Variants in ABCA8 observed in about 807,000 individuals in gnomAD.
The protein encoded by ABCA8 is ATP binding cassette subfamily A member 8.
In ABCA8, 177 loss-of-function variants were observed where a neutral mutation model predicts 192.3. That is an observed-to-expected ratio of 0.92 (90% CI 0.81 to 1.04). The LOEUF (loss-of-function observed/expected upper bound fraction) is 1.04, where lower values mean the gene tolerates loss of function less well. Ranked by LOEUF, ABCA8 falls within the 50% of genes least tolerant of loss-of-function variation. The pLI is 0.00. For synonymous variants in ABCA8, 642 were observed against 690.2 expected, an observed-to-expected ratio of 0.93 and a Z score of 1.09; for missense variants, 1,915 against 1,904.8, an observed-to-expected ratio of 1.01 and a Z score of -0.10.
chr17:68,908,231 A>AT (rs1265555394), intron 17 of ABCA8, among the ~76,000 whole-genome samples: 5 of 152,168 alleles, frequency 3.3e-5, no homozygotes, highest in African/African-American at 1.2e-4. Context: ...GGTCAGGACT[A>AT]TGCAAAATGG....
chr17:68,945,823 G>A (rs1223545355), intron 2 of ABCA8, among the ~76,000 whole-genome samples: 1 of 151,664 alleles, frequency 6.6e-6, no homozygotes, highest in South Asian at 2.1e-4. Flanking sequence ...GTGTGTGTGC[G>A]CATATGTATA....
intron 23 of ABCA8, among the ~76,000 whole-genome samples, chr17:68,892,844 A>G (rs928402397): frequency 6.6e-6 from 1 of 152,180 alleles, no homozygotes; most frequent in African/African-American, 2.4e-5. Flanking sequence ...TTGCTGGACC[A>G]TATGAAAATA....
At chr17:68,900,223 T>C (rs996592487) in intron 21 of ABCA8, among the ~76,000 whole-genome samples, 1 of 151,380 alleles carries the variant, frequency 6.6e-6, no homozygotes, top group African/African-American at 2.4e-5. Flanking sequence ...CCAAGAAAAA[T>C]AAAATAACAT....
At chr17:68,908,190 G>A (rs1488849401) in intron 17 of ABCA8, among the ~76,000 whole-genome samples, 1 of 152,182 alleles carries the variant, frequency 6.6e-6, no homozygotes, top group Non-Finnish European at 1.5e-5. Flanking sequence ...TGGTCACAGA[G>A]TGGAAAATAC....
intron 4 of ABCA8, among the ~76,000 whole-genome samples, chr17:68,938,341 G>C (rs1186867788): frequency 6.6e-6 from 1 of 152,020 alleles, no homozygotes; most frequent in Admixed American, 6.6e-5. Flanking sequence ...CTGGATTACT[G>C]GATACAGAAT....
chr17:68,923,204 TTA>T (rs1491113453), intron 11 of ABCA8, among the ~76,000 whole-genome samples: 128 of 98,224 alleles, frequency 1.3e-3, no homozygotes, highest in African/African-American at 4.4e-3. Context: ...ATTATTATTA[TTA>T]TTTTTTTTTT....
intron 17 of ABCA8, among the ~76,000 whole-genome samples, chr17:68,908,162 A>G (rs2067134753): frequency 1.3e-5 from 2 of 152,142 alleles, no homozygotes; most frequent in Non-Finnish European, 1.5e-5. Flanking sequence ...ATATTGATTG[A>G]AGCTCCTGAA....
In ABCA8 at chr17:68,883,890, TAAAG is replaced by T; in HGVS notation, c.3616-12_3616-9del. The T allele has an allele frequency of 6.8e-7, 1 of 1,468,492 alleles. No homozygotes were observed. Among genetic ancestry groups the T allele is most frequent in the Non-Finnish European group, 9.4e-7 (1 of 1,063,098 alleles). 91.0% of individuals were successfully genotyped at this position (1,468,492 alleles called of 1,614,324 possible). A position where few individuals can be genotyped will look rare whatever the true frequency, so the allele number is the denominator to read the frequency against. On this transcript the variant is annotated splice_polypyrimidine_tract_variant and intron_variant, in intron 28 of 39. Coordinates refer to ENST00000586539, the MANE Select transcript of ABCA8 (RefSeq NM_001288985.2). ...GATAAAATGAAGGAAAGGCTAGGAA[TAAAG>T]AGAGATGCACAATTAGAAACATAAA...
rs2067219975 is a variant in ABCA8 at position 68,911,183 on chromosome 17, C to T, written c.2139-3304G>A. Among the ~76,000 whole-genome samples, 1 of 152,164 alleles carries T rather than the reference C, an allele frequency of 6.6e-6. No individual in the cohort carries two copies. The highest frequency in any genetic ancestry group is 1.5e-5 in the Non-Finnish European group (1 of 68,020). ...GCCTTGGCTCCTGGATCTGGACTTGCCCCAGGCCAGAGGGGAGCCCATTGC... is the reference window on the plus strand; with the variant it reads ...GCCTTGGCTCCTGGATCTGGACTTGTCCCAGGCCAGAGGGGAGCCCATTGC... On this transcript the variant is annotated intron_variant, in intron 17 of 39. Coordinates refer to ENST00000586539, the MANE Select transcript of ABCA8 (RefSeq NM_001288985.2). The surrounding 1 kb of genome is among the most constrained non-coding windows in gnomAD (Gnocchi z 5.7).
chr17:68,937,847 C>A (rs1225385916), intron 4 of ABCA8, among the ~76,000 whole-genome samples: 2 of 148,346 alleles, frequency 1.3e-5, no homozygotes, highest in East Asian at 3.8e-4. Context: ...AACTTAATAA[C>A]CATTATTATT....
Position 68,927,996 on chromosome 17 carries a change from A to G in ABCA8, c.1193T>C (p.Ile398Thr), listed in dbSNP as rs776975207. The G allele has an allele frequency of 2.5e-6, 4 of 1,609,126 alleles. No homozygotes were observed. Among genetic ancestry groups the G allele is most frequent in the East Asian group, 4.5e-5 (2 of 44,680 alleles). ...TGCCAACATGAAATTTGTTGCTACA[A>G]TGAGATTTGAGCCGTCCGATGGATG... is the stretch of plus-strand genomic sequence containing the variant. ...FPHPSDGSNLIVATNFMLAFD... is the reference protein window; with the variant it reads ...FPHPSDGSNLTVATNFMLAFD... Residue 398 changes from isoleucine (I) to threonine (T), a missense_variant, in exon 10 of 40, where the codon ATT (isoleucine) becomes ACT (threonine). By Grantham distance (89) the Ile-to-Thr change is moderately conservative. Transcript: ENST00000586539.
intron 38 of ABCA8, among the ~76,000 whole-genome samples, chr17:68,869,159 G>A (rs2065985201): frequency 6.6e-6 from 1 of 152,238 alleles, no homozygotes; most frequent in East Asian, 1.9e-4. Flanking sequence ...ACAGTATAGC[G>A]AGAGAGTTCT....
rs1419328744 is a variant in ABCA8, at chr17:68,928,046, A to G, written c.1143T>C (p.Tyr381=). 6.3e-7 allele frequency: 1 copy of G among 1,594,054 alleles called. No individual in the cohort carries two copies. Residue 381 remains tyrosine, a synonymous_variant, in exon 10 of 40, where the codon TAT becomes TAC. Coordinates refer to ENST00000586539, the MANE Select transcript of ABCA8 (RefSeq NM_001288985.2). ...GAGGAAATGCATTAGAATTCAAATC[A>G]TAGTCCAAGTGTAAAAGCTGAAAAT... is the stretch of plus-strand genomic sequence containing the variant. ...LGMAQLLHLD[Y]DLNSNAFPHP...
At chr17:68,881,315 CA>C in intron 31 of ABCA8, 104 bp from the exon 32 acceptor site, 1 of 821,630 alleles carries the variant, frequency 1.2e-6, no homozygotes, top group Non-Finnish European at 2.0e-6. Context: ...TATTAGTTGT[CA>C]TTTAATTGTC....
chr17:68,909,666 A>G (rs1398888113), intron 17 of ABCA8, among the ~76,000 whole-genome samples: 1 of 152,184 alleles, frequency 6.6e-6, no homozygotes, highest in Non-Finnish European at 1.5e-5. Flanking sequence ...ATTAATTTCC[A>G]AGAAGAGATG....
rs755815018 is a variant in ABCA8 at position 68,887,123 on chromosome 17, C to T, written c.3323G>A (p.Cys1108Tyr). ...LTIIHIIQIPCAVGYSFSLIF... is the reference protein window; with the variant it reads ...LTIIHIIQIPYAVGYSFSLIF... ...GAGGGAAAAGGAATAACCAACAGCA[C>T]ATGGGATCTAAAATCAACAGGAATG... The change falls in exon 26 of 40, where the codon TGT (cysteine) becomes TAT (tyrosine). Residue 1108 changes from cysteine (C) to tyrosine (Y), a missense_variant. Coordinates refer to ENST00000586539, the MANE Select transcript of ABCA8 (RefSeq NM_001288985.2). 6.3e-7 allele frequency: 1 copy of T among 1,596,570 alleles called. No homozygotes were observed. Among genetic ancestry groups the T allele is most frequent in the Non-Finnish European group, 8.5e-7 (1 of 1,170,626 alleles).
chr17:68,929,259 G>T (rs774002461), intron 8 of ABCA8, 25 bp from the exon 9 acceptor site: 2 of 1,540,752 alleles, frequency 1.3e-6, no homozygotes, highest in Non-Finnish European at 1.7e-6. Context: ...GATCTAGTTG[G>T]TTTATGTTTC....
chr17:68,877,812 T>A (rs896846367), intron 32 of ABCA8, 133 bp from the exon 33 acceptor site: 1 of 929,966 alleles, frequency 1.1e-6, no homozygotes, highest in African/African-American at 1.7e-5. Flanking sequence ...TAATCTGTAA[T>A]CATTTTGCAT....
At chr17:68,891,041 T>C (rs1422191570) in intron 24 of ABCA8, among the ~76,000 whole-genome samples, 1 of 152,226 alleles carries the variant, frequency 6.6e-6, no homozygotes, top group African/African-American at 2.4e-5. Context: ...CACAATTTGT[T>C]GAAAAGTCTA....
Sources: gnomAD v4.1 joint callset for allele counts (sites outside exome capture counted in the v4.1 genomes callset) on GRCh38, gnomAD v4.1.1 for gene constraint, Gnocchi (gnomAD v3.1) non-coding constraint, MANE v1.5 for transcripts, NCBI Gene and HGNC (gene_info 2026-07-23, HGNC 2026-07-21) for gene names.